CNTN5: variants seen among roughly 807,000 people sequenced by gnomAD.
The protein encoded by CNTN5 is contactin-5.
CNTN5 carries 77 observed loss-of-function variants against 129.1 expected under a neutral mutation model. The ratio of observed to expected loss-of-function variants is 0.60; its 90% CI spans 0.50 to 0.72. The LOEUF (loss-of-function observed/expected upper bound fraction) is 0.72, where lower values mean the gene tolerates loss of function less well. CNTN5 is among the 30% of genes least tolerant of loss of function. The probability of loss-of-function intolerance (pLI) is 0.00; values close to 1 mark genes in which losing one functional copy is unlikely to be tolerated. For synonymous variants in CNTN5, 509 were observed against 465.6 expected, an observed-to-expected ratio of 1.09 and a Z score of -1.20; for missense variants, 1,478 against 1,328.8, an observed-to-expected ratio of 1.11 and a Z score of -1.75.
intron 6 of CNTN5, among the ~76,000 whole-genome samples, chr11:99,848,743 G>A (rs1193944919): frequency 6.6e-6 from 1 of 151,934 alleles, no homozygotes; most frequent in African/African-American, 2.4e-5. Flanking sequence ...ATCATATGTT[G>A]TAAAATACCT....
At chr11:99,736,425 G>A (rs1943713338) in intron 3 of CNTN5, among the ~76,000 whole-genome samples, 1 of 152,188 alleles carries the variant, frequency 6.6e-6, no homozygotes, top group African/African-American at 2.4e-5. Context: ...TGAAGAAGGG[G>A]TTGGAGTGTG....
At chr11:99,407,622 G>A (rs1305653992) in intron 2 of CNTN5, among the ~76,000 whole-genome samples, 1 of 152,168 alleles carries the variant, frequency 6.6e-6, no homozygotes, top group Non-Finnish European at 1.5e-5. Context: ...GTCCAGTTCA[G>A]CACTAGGACT....
chr11:99,036,772 C>T (rs1445412397), intron 1 of CNTN5, among the ~76,000 whole-genome samples: 1 of 152,104 alleles, frequency 6.6e-6, no homozygotes, highest in Non-Finnish European at 1.5e-5. Context: ...CAGAATGGTT[C>T]TAAAAGAAAG....
chr11:99,383,223 T>G (rs1332316993), intron 2 of CNTN5, among the ~76,000 whole-genome samples: 1 of 152,062 alleles, frequency 6.6e-6, no homozygotes, highest in Non-Finnish European at 1.5e-5. Flanking sequence ...TTATCAGTAG[T>G]CTCTTTTGTA....
chr11:100,133,782 T>A (rs527575389), intron 13 of CNTN5, among the ~76,000 whole-genome samples: 160 of 152,224 alleles, frequency 1.1e-3, no homozygotes, highest in African/African-American at 3.7e-3. Context: ...TTAGTTCCAA[T>A]GGGAGGTTAC....
intron 1 of CNTN5, among the ~76,000 whole-genome samples, chr11:99,037,194 C>G (rs1863778492): frequency 6.6e-6 from 1 of 152,202 alleles, no homozygotes; most frequent in African/African-American, 2.4e-5. Context: ...TCACTCAACA[C>G]TGCTTCAGGG....
chr11:99,673,656 C>T (rs992055545), intron 3 of CNTN5, among the ~76,000 whole-genome samples: 11 of 151,972 alleles, frequency 7.2e-5, no homozygotes, highest in African/African-American at 2.7e-4. Context: ...TCCATGTGTT[C>T]TCATCATTTA....
chr11:100,335,785 C>T (rs1317623600), intron 21 of CNTN5, among the ~76,000 whole-genome samples: 1 of 151,360 alleles, frequency 6.6e-6, no homozygotes, highest in Non-Finnish European at 1.5e-5. Context: ...AAAAGCCATT[C>T]TCTTTATTTA....
In CNTN5 at chr11:100,299,233, T is replaced by G; in HGVS notation, c.2457T>G (p.Arg819=). 1.2e-6 allele frequency: 2 copies of G among 1,610,240 alleles called. No individual in the cohort carries two copies. The highest frequency in any genetic ancestry group is 1.7e-6 in the Non-Finnish European group (2 of 1,177,536). ...TGGCTTTCAGACCCAATGGAACACG[T>G]GGCTGGAAGGAAAAAATGGTGACAT... The part of the protein sequence containing the change: ...YIVAFRPNGT[R]GWKEKMVTSS... The change falls in exon 20 of 25, where the codon CGT becomes CGG. Residue 819 remains arginine (R), a synonymous_variant. Transcript: ENST00000524871.
chr11:100,117,214 T>C (rs1945871161), intron 13 of CNTN5, among the ~76,000 whole-genome samples: 2 of 152,004 alleles, frequency 1.3e-5, no homozygotes. Context: ...GTACCATCAC[T>C]CAAAAGCATT....
intron 13 of CNTN5, among the ~76,000 whole-genome samples, chr11:100,150,479 A>C (rs1248737795): frequency 6.6e-6 from 1 of 152,046 alleles, no homozygotes; most frequent in East Asian, 1.9e-4. Context: ...GCCTTTAAAC[A>C]GAATGATTTT....
chr11:99,845,320 G>T, intron 6 of CNTN5, 58 bp downstream of exon 6: 2 of 696,838 alleles, frequency 2.9e-6, no homozygotes, highest in Non-Finnish European at 4.1e-6. Context: ...ATACAGTATG[G>T]ATTTTTAAAA....
intron 8 of CNTN5, among the ~76,000 whole-genome samples, chr11:99,996,068 T>C (rs1220834468): frequency 1.3e-5 from 2 of 152,204 alleles, no homozygotes; most frequent in Admixed American, 6.5e-5. Flanking sequence ...TTTAACCGTG[T>C]CCTTTTTTCT....
intron 13 of CNTN5, among the ~76,000 whole-genome samples, chr11:100,114,541 C>T (rs1014562697): frequency 1.3e-5 from 2 of 151,980 alleles, no homozygotes; most frequent in African/African-American, 4.8e-5. Flanking sequence ...AATTACAAAC[C>T]TTCAGGGCTC....
At chr11:99,814,234 A>T (rs1448682625) in intron 3 of CNTN5, among the ~76,000 whole-genome samples, 1 of 152,172 alleles carries the variant, frequency 6.6e-6, no homozygotes, top group African/African-American at 2.4e-5. Context: ...GCTCATATTA[A>T]TGAAACAAGG....
At chr11:99,902,926 G>A (rs1949397286) in intron 6 of CNTN5, among the ~76,000 whole-genome samples, 1 of 152,112 alleles carries the variant, frequency 6.6e-6, no homozygotes, top group Non-Finnish European at 1.5e-5. Context: ...TTTTAGCCAA[G>A]ATGTAAGATA....
In CNTN5 at chr11:100,115,655, A is replaced by C. The variant is rs112872352; in HGVS notation, c.1580+41361A>C. On this transcript the variant is annotated intron_variant, in intron 13 of 24. Transcript: ENST00000524871. ...ACCTGTAAGATGAGACCATATGCTC[A>C]GTTTATAGCAGGAATGTTTTGGTAA... 6.5e-3 allele frequency among the ~76,000 whole-genome samples: 995 copies of C among 152,164 alleles called. 9 individuals are homozygous for C. Among genetic ancestry groups the C allele is most frequent in the African/African-American group, 0.021 (876 of 41,548 alleles).
At chr11:99,898,740 T>C (rs1399544203) in intron 6 of CNTN5, among the ~76,000 whole-genome samples, 1 of 151,950 alleles carries the variant, frequency 6.6e-6, no homozygotes, top group African/African-American at 2.4e-5. Context: ...CTTTATGAAA[T>C]CTTACTACTT....
At chr11:99,448,610 T>C (rs535672884) in intron 2 of CNTN5, among the ~76,000 whole-genome samples, 42 of 152,100 alleles carry the variant, frequency 2.8e-4, no homozygotes, top group African/African-American at 9.4e-4. Flanking sequence ...ACCTGCATTT[T>C]TCAGTTTCAT....
Sources: gnomAD v4.1 joint callset for allele counts (sites outside exome capture counted in the v4.1 genomes callset) on GRCh38, gnomAD v4.1.1 for gene constraint, MANE v1.5 for transcripts, NCBI Gene and HGNC (gene_info 2026-07-23, HGNC 2026-07-21) for gene names.